The following TRIM33 variants were observed in gnomAD, a reference collection of about 807,000 sequenced individuals.
The protein encoded by TRIM33 is tripartite motif containing 33.
In TRIM33, 20 loss-of-function variants were observed where a neutral mutation model predicts 125.4. The observed-to-expected ratio is 0.16, with a 90% CI of 0.11 to 0.23. The LOEUF is 0.23. Ranked by LOEUF, TRIM33 falls within the 10% of genes least tolerant of loss-of-function variation. The pLI, the probability that TRIM33 is intolerant of heterozygous loss-of-function variation, is 1.00. For missense variants in TRIM33, 920 were observed against 1,411.4 expected (o/e 0.65, Z 5.58); for synonymous variants, 564 against 513.9 (o/e 1.10, Z -1.32).
chr1:114,400,256 C>T (rs1651791655), intron 17 of TRIM33, among the ~76,000 whole-genome samples: 1 of 152,196 alleles, frequency 6.6e-6, no homozygotes. Context: ...GGCTGGAGTG[C>T]AGTGGTGCAG....
At chr1:114,409,373 A>C (rs1652439590) in intron 12 of TRIM33, among the ~76,000 whole-genome samples, 1 of 152,220 alleles carries the variant, frequency 6.6e-6, no homozygotes, top group African/African-American at 2.4e-5. Context: ...TGGCTATTTT[A>C]ATAGTTTTCA....
chr1:114,414,027 G>GCACGCACACA (rs1553207070), intron 11 of TRIM33, among the ~76,000 whole-genome samples: 2 of 130,588 alleles, frequency 1.5e-5, no homozygotes, highest in Non-Finnish European at 3.2e-5. Context: ...TAAATCACAG[G>GCACGCACACA]CACACACACA....
intron 11 of TRIM33, among the ~76,000 whole-genome samples, chr1:114,416,054 C>A (rs533652616): frequency 6.6e-6 from 1 of 151,838 alleles, no homozygotes; most frequent in East Asian, 1.9e-4. Flanking sequence ...CCGTTTGATC[C>A]TTCTATAATC....
intron 10 of TRIM33, among the ~76,000 whole-genome samples, chr1:114,424,314 A>T (rs1039937875): frequency 6.6e-6 from 1 of 152,208 alleles, no homozygotes; most frequent in African/African-American, 2.4e-5. Flanking sequence ...TAAAATCACC[A>T]GCTCATTAGA....
chr1:114,442,716 A>G (rs1009388672), intron 4 of TRIM33, among the ~76,000 whole-genome samples: 15 of 148,240 alleles, frequency 1.0e-4, no homozygotes, highest in African/African-American at 3.7e-4. Context: ...AAAAAAAAAG[A>G]AAAAAAAAAC....
At chr1:114,442,705 GA>G (rs1254691901) in intron 4 of TRIM33, among the ~76,000 whole-genome samples, 9 of 116,824 alleles carry the variant, frequency 7.7e-5, no homozygotes, top group South Asian at 3.0e-4. Flanking sequence ...AAAAAAAAAA[GA>G]AAAAAAAAGA....
chr1:114,464,189 C>G (rs1650156026), intron 2 of TRIM33, 81 bp downstream of exon 2: 3 of 688,868 alleles, frequency 4.4e-6, no homozygotes, highest in Admixed American at 6.6e-5. Context: ...CCCTAAATGA[C>G]TTAACTATCC....
intron 4 of TRIM33, among the ~76,000 whole-genome samples, chr1:114,438,254 C>T (rs1441918161): frequency 2.0e-5 from 3 of 152,148 alleles, no homozygotes; most frequent in Non-Finnish European, 4.4e-5. Context: ...GGGAAAAATG[C>T]ATCATAGTGC....
At chr1:114,414,546 C>T (rs373090669) in intron 11 of TRIM33, among the ~76,000 whole-genome samples, 3 of 152,166 alleles carry the variant, frequency 2.0e-5, no homozygotes, top group African/African-American at 7.2e-5. Context: ...ACTCTTACCC[C>T]GCTTCCAGGT....
At position 114,510,934 on chromosome 1, in the gene TRIM33, T is replaced by C; in HGVS notation, c.143A>G (p.Glu48Gly). 2 of 1,416,152 alleles carry C rather than the reference T, an allele frequency of 1.4e-6. No individual in the cohort carries two copies. The highest frequency in any genetic ancestry group is 1.5e-5 in the South Asian group (1 of 68,762). 87.7% of individuals were successfully genotyped at this position (1,416,152 alleles called of 1,614,324 possible). A position where few individuals can be genotyped will look rare whatever the true frequency, so the allele number is the denominator to read the frequency against. The change falls in exon 1 of 20, where the codon GAG becomes GGG. Residue 48 changes from glutamate (E) to glycine (G), a missense_variant. Around this residue, in one of 8 missense-constraint regions of TRIM33, gnomAD observed 233 missense variants for 189.6 expected, o/e 1.23. Coordinates refer to ENST00000358465, the MANE Select transcript of TRIM33 (RefSeq NM_015906.4). Reference protein sequence around the residue: ...LTAVLVEEEEEEGGRAGAEGG... With the variant: ...LTAVLVEEEEGEGGRAGAEGG... The stretch of plus-strand genomic sequence containing the variant: ...CTCAGCGCCGGCCCTGCCGCCTTCC[T>C]CCTCCTCCTCCTCCACCAGCACCGC...
At chr1:114,422,218 G>C (rs190215164) in intron 10 of TRIM33, among the ~76,000 whole-genome samples, 1 of 152,060 alleles carries the variant, frequency 6.6e-6, no homozygotes, top group East Asian at 1.9e-4. Context: ...TTAAGAAAAC[G>C]AATTCTACAC....
chr1:114,422,382 GC>G (rs1174802817), intron 10 of TRIM33, among the ~76,000 whole-genome samples: 1 of 152,070 alleles, frequency 6.6e-6, no homozygotes, highest in Non-Finnish European at 1.5e-5. Context: ...GGTGTACTTG[GC>G]CCCTAGAAAT....
intron 11 of TRIM33, among the ~76,000 whole-genome samples, chr1:114,413,102 T>C (rs966789129): frequency 6.6e-6 from 1 of 152,202 alleles, no homozygotes; most frequent in African/African-American, 2.4e-5. Context: ...ATTTTCCTAA[T>C]AACTAATGAT....
intron 1 of TRIM33, among the ~76,000 whole-genome samples, chr1:114,503,682 A>G (rs972426981): frequency 2.0e-5 from 3 of 152,170 alleles, no homozygotes; most frequent in African/African-American, 7.2e-5. Context: ...TGAGAAACTG[A>G]CCAGCTCATG....
At chr1:114,442,847 A>AT (rs909381597) in intron 4 of TRIM33, among the ~76,000 whole-genome samples, 2 of 152,074 alleles carry the variant, frequency 1.3e-5, no homozygotes, top group South Asian at 2.1e-4. Context: ...TGTAAAAACA[A>AT]TTTTTTATAT....
chr1:114,428,039 A>G, intron 6 of TRIM33, 145 bp from the exon 7 acceptor site: 1 of 821,078 alleles, frequency 1.2e-6, no homozygotes, highest in Non-Finnish European at 1.8e-6. Flanking sequence ...CAAGCCTATC[A>G]TCAGAGGAAA....
intron 11 of TRIM33, among the ~76,000 whole-genome samples, chr1:114,410,778 CAA>C (rs11364870): frequency 6.7e-6 from 1 of 148,626 alleles, no homozygotes. Flanking sequence ...CCCCTTACTA[CAA>C]AAAAAAAAGG....
chr1:114,475,647 A>C (rs887859604), intron 1 of TRIM33, among the ~76,000 whole-genome samples: 4 of 152,234 alleles, frequency 2.6e-5, no homozygotes, highest in African/African-American at 9.6e-5. Context: ...GCGCCACTGC[A>C]CTCCAGCCTG....
intron 6 of TRIM33, 62 bp from the exon 7 acceptor site, chr1:114,427,956 C>T (rs1647696408): frequency 1.3e-6 from 2 of 1,576,328 alleles, no homozygotes; most frequent in African/African-American, 2.7e-5. Context: ...CCCCACATTT[C>T]TAATGCAAAT....
Sources: allele counts gnomAD v4.1 joint callset (sites outside exome capture counted in the v4.1 genomes callset), GRCh38; gene constraint gnomAD v4.1.1; regional missense constraint gnomAD v4.1.1; transcripts MANE v1.5; gene names NCBI Gene and HGNC (gene_info 2026-07-23, HGNC 2026-07-21).